Variants in PCDHA6 observed in about 807,000 individuals in gnomAD.
The protein encoded by PCDHA6 is protocadherin alpha-6.
PCDHA6 carries 55 observed loss-of-function variants against 60.3 expected under a neutral mutation model. The observed-to-expected ratio is 0.91, with a 90% CI of 0.73 to 1.14. The LOEUF is 1.14. PCDHA6 is among the 50% of genes most tolerant of loss of function. The pLI, the probability that PCDHA6 is intolerant of heterozygous loss-of-function variation, is 0.00. For missense variants in PCDHA6, 1,327 were observed against 1,256.5 expected (o/e 1.06, Z -0.85); for synonymous variants, 652 against 557.9 (o/e 1.17, Z -2.38).
At chr5:141,005,701 CAAAAAAAAAAAAAAAAAAAA>C (rs59860837) in intron 3 of PCDHA6, among the ~76,000 whole-genome samples, 1 of 7,786 alleles carries the variant, frequency 1.3e-4, no homozygotes, top group Admixed American at 1.6e-3. Flanking sequence ...AACTCCGTCT[CAAAAAAAAAAAAAAAAAAAA>C]AAAAAAAAAA....
intron 3 of PCDHA6, among the ~76,000 whole-genome samples, chr5:140,985,631 T>C (rs551279134): frequency 1.2e-4 from 18 of 152,250 alleles, no homozygotes; most frequent in Admixed American, 1.2e-3. Flanking sequence ...GTATTGCTCT[T>C]CTCATCCCAA....
Position 140,978,964 on chromosome 5 carries a change from C to G in PCDHA6, c.2410C>G (p.Pro804Ala). ...GATTTTGCAGCCACGACAGCCCAAC[C>G]CTGACTGGCGTTACTCTGCCTCCCT... ...DHDAKPRQPN[P>A]DWRYSASLRA... is the part of the protein sequence containing the mutation. The change falls in exon 2 of 4, where the codon CCT becomes GCT. Residue 804 changes from proline to alanine, a missense_variant. Transcript: ENST00000529310. 3 of 1,614,122 alleles carry G rather than the reference C, an allele frequency of 1.9e-6. No homozygotes were observed. The highest frequency in any genetic ancestry group is 2.5e-6 in the Non-Finnish European group (3 of 1,180,010).
At chr5:141,000,395 C>CTATATA (rs1190667031) in intron 3 of PCDHA6, among the ~76,000 whole-genome samples, 4 of 53,980 alleles carry the variant, frequency 7.4e-5, no homozygotes, top group East Asian at 6.1e-4. Context: ...CTCTCTCTCT[C>CTATATA]TATATATATA....
chr5:140,933,677 T>C (rs1024721491), intron 1 of PCDHA6, among the ~76,000 whole-genome samples: 1 of 151,826 alleles, frequency 6.6e-6, no homozygotes, highest in Non-Finnish European at 1.5e-5. Flanking sequence ...CTCTCTCACA[T>C]TTTTTTTCCT....
intron 1 of PCDHA6, among the ~76,000 whole-genome samples, chr5:140,941,445 A>C (rs1472770794): frequency 8.0e-5 from 12 of 149,892 alleles, no homozygotes; most frequent in Middle Eastern, 6.8e-3. Context: ...CCTCGGGAGT[A>C]GCTGGGATTA....
intron 1 of PCDHA6, 124 bp downstream of exon 1, chr5:140,830,609 TTTTA>T: frequency 4.9e-6 from 3 of 615,770 alleles, no homozygotes; most frequent in Admixed American, 3.9e-5. Flanking sequence ...CATATTTTCA[TTTTA>T]TTGTGTTTCT....
rs141028628 is a variant in PCDHA6 at position 140,891,378 on chromosome 5, T to A, written c.2394+60893T>A. Among the ~76,000 whole-genome samples the A allele has an allele frequency of 2.3e-4, 35 of 152,222 alleles. 1 individual carries two copies. The East Asian group carries it at 6.8e-3, about 29-fold the overall frequency. On this transcript the variant is annotated intron_variant, in intron 1 of 3. Coordinates refer to ENST00000529310, the MANE Select transcript of PCDHA6 (RefSeq NM_018909.4). ...CACCTGAGCAGTATACATTGCACCA[T>A]ATTTGCAATCTTTTATCCCTCGCCA...
intron 1 of PCDHA6, among the ~76,000 whole-genome samples, chr5:140,902,680 C>T (rs943072063): frequency 3.9e-5 from 6 of 152,094 alleles, no homozygotes; most frequent in Admixed American, 6.5e-5. Context: ...GTACACCGTA[C>T]CTAATATGTG....
At chr5:140,960,177 G>C (rs2095530246) in intron 1 of PCDHA6, among the ~76,000 whole-genome samples, 1 of 152,052 alleles carries the variant, frequency 6.6e-6, no homozygotes, top group Non-Finnish European at 1.5e-5. Flanking sequence ...CTTAAGTTAG[G>C]GGTTGCATGT....
rs190283736 is a variant in PCDHA6 at position 140,986,671 on chromosome 5, A to G, written c.2542+4108A>G. 1.7e-3 allele frequency among the ~76,000 whole-genome samples: 261 copies of G among 152,322 alleles called. 3 individuals carry two copies. The highest frequency in any genetic ancestry group is 2.2e-4 in the Non-Finnish European group (15 of 68,018). ...GTGGGAGATGCTCACAGTTTTCAGA[A>G]GAGTTCAGAAAGTTTCAAAACACAC... On this transcript the variant is annotated intron_variant, in intron 3 of 3. Coordinates refer to ENST00000529310, the MANE Select transcript of PCDHA6 (RefSeq NM_018909.4).
intron 1 of PCDHA6, chr5:140,966,926 C>G (rs782811757): frequency 1.9e-6 from 3 of 1,603,462 alleles, no homozygotes; most frequent in Admixed American, 1.7e-5. Flanking sequence ...GGAGCAGGCA[C>G]CCGGCGCGCT....
rs1554135944 is a variant in PCDHA6 at position 140,836,422 on chromosome 5, C to G, written c.2394+5937C>G. The G allele has an allele frequency of 1.2e-6, 2 of 1,613,670 alleles. No individual in the cohort carries two copies. The highest frequency in any genetic ancestry group is 2.7e-5 in the African/African-American group (2 of 74,856). On this transcript the variant is annotated intron_variant, in intron 1 of 3. Transcript: ENST00000529310. ...AGCGGCCAGGCACCAAAGGCGTCGT[C>G]GCGGGCATCGTTGGGCATTGCAGGC...
In PCDHA6 at chr5:140,829,655, C is replaced by G; in HGVS notation, c.1564C>G (p.Pro522Ala). 1.9e-6 allele frequency: 3 copies of G among 1,612,510 alleles called. No homozygotes were observed. Among genetic ancestry groups the G allele is most frequent in the Non-Finnish European group, 2.5e-6 (3 of 1,179,812 alleles). ...GAGCGGCAAGGTGTACGCGCTGCAG[C>G]CGCTGGACCACGAGGAGCTAGAGCT... The part of the protein sequence containing the change: ...AESGKVYALQ[P>A]LDHEELELLQ... Residue 522 changes from proline (P) to alanine (A), a missense_variant, in exon 1 of 4, where the codon CCG (proline) becomes GCG (alanine). Coordinates refer to ENST00000529310, the MANE Select transcript of PCDHA6 (RefSeq NM_018909.4).
At chr5:140,863,106 C>G (rs782630265) in intron 1 of PCDHA6, 1 of 582,196 alleles carries the variant, frequency 1.7e-6, no homozygotes, top group Non-Finnish European at 3.4e-6. Context: ...GTACCCTGGA[C>G]GAGGCGAAAG....
intron 1 of PCDHA6, chr5:140,862,315 C>G (rs1554156143): frequency 3.2e-6 from 1 of 317,246 alleles, no homozygotes; most frequent in African/African-American, 2.2e-5. Context: ...CCGTCATAGC[C>G]CTAATCAGTG....
At chr5:140,959,414 C>T (rs1408668310) in intron 1 of PCDHA6, among the ~76,000 whole-genome samples, 3 of 151,996 alleles carry the variant, frequency 2.0e-5, no homozygotes, top group African/African-American at 7.2e-5. Context: ...GTTGATTGAT[C>T]TGAGAATTTG....
intron 3 of PCDHA6, among the ~76,000 whole-genome samples, chr5:140,986,828 G>A (rs1001117075): frequency 3.9e-5 from 6 of 152,146 alleles, no homozygotes; most frequent in Non-Finnish European, 5.9e-5. Flanking sequence ...TTTAGACAAT[G>A]GTTCTCAAAG....
intron 1 of PCDHA6, among the ~76,000 whole-genome samples, chr5:140,910,513 A>G (rs1293675976): frequency 2.0e-5 from 3 of 152,184 alleles, no homozygotes; most frequent in Non-Finnish European, 4.4e-5. Flanking sequence ...CTCTTCAAGG[A>G]TGCAGGTACT....
intron 1 of PCDHA6, chr5:140,929,903 C>T (rs11747154): frequency 0.12 from 17,815 of 152,352 alleles, 1,161 homozygotes; most frequent in Middle Eastern, 0.19. Context: ...ATCTTTAATA[C>T]GATATACCAT....
Sources: gnomAD v4.1 joint callset for allele counts (sites outside exome capture counted in the v4.1 genomes callset) on GRCh38, gnomAD v4.1.1 for gene constraint, MANE v1.5 for transcripts, NCBI Gene and HGNC (gene_info 2026-07-23, HGNC 2026-07-21) for gene names.